The following COL4A6 variants were observed in gnomAD, a reference collection of about 807,000 sequenced individuals.
COL4A6 encodes the protein collagen type IV alpha 6 chain.
COL4A6 carries 59 observed loss-of-function variants against 126.7 expected under a neutral mutation model. That is an observed-to-expected ratio of 0.47 (90% CI 0.38 to 0.58). COL4A6 has a LOEUF of 0.58. Among genes scored for constraint, COL4A6 ranks in the 20% least tolerant of loss-of-function variants. The pLI is 0.00. For missense variants in COL4A6, 1,285 were observed against 1,337.3 expected (o/e 0.96, Z 0.61); for synonymous variants, 547 against 496.6 (o/e 1.10, Z -1.35).
At chrX:108,407,617 G>A (rs991421059) in intron 2 of COL4A6, among the ~76,000 whole-genome samples, 1 of 112,028 alleles carries the variant, frequency 8.9e-6, no homozygotes, top group African/African-American at 3.2e-5. Context: ...CAGAAACTTG[G>A]TCAGACTTCT....
rs750050648 is a variant in COL4A6 at position 108,319,320 on chromosome X, T to C, written c.64-8492A>G. On this transcript the variant is annotated intron_variant, in intron 2 of 44. Coordinates refer to ENST00000334504, the MANE Select transcript of COL4A6 (RefSeq NM_033641.4). ...AGGAGTTTGAGGCTGATCGTGCCACTGCACCCAGCCTGAGTGACAGAGTGA... is the reference window on the plus strand; with the variant it reads ...AGGAGTTTGAGGCTGATCGTGCCACCGCACCCAGCCTGAGTGACAGAGTGA... 5.3e-5 allele frequency among the ~76,000 whole-genome samples: 6 copies of C among 112,193 alleles called. No individual in the cohort carries two copies. The East Asian group carries it at 1.7e-3, about 32-fold the overall frequency.
At chrX:108,340,975 T>C (rs2039550143) in intron 2 of COL4A6, among the ~76,000 whole-genome samples, 1 of 110,675 alleles carries the variant, frequency 9.0e-6, no homozygotes, top group Non-Finnish European at 1.9e-5. Context: ...TTTGTGTATT[T>C]AGAAAAGATT....
chrX:108,354,027 C>A (rs1408208846), intron 2 of COL4A6, among the ~76,000 whole-genome samples: 2 of 111,400 alleles, frequency 1.8e-5, no homozygotes, highest in Non-Finnish European at 3.8e-5. Context: ...GTGGCATGTG[C>A]CTGTAATCCC....
Position 108,187,860 on chromosome X carries a change from C to A in COL4A6, c.1755G>T (p.Leu585=). 8.3e-7 allele frequency: 1 copy of A among 1,204,424 alleles called. No homozygotes were observed. Among genetic ancestry groups the A allele is most frequent in the Non-Finnish European group, 1.1e-6 (1 of 890,610 alleles). Residue 585 remains leucine, a synonymous_variant, in exon 22 of 45, where the codon CTG becomes CTT. Transcript: ENST00000334504. Reference sequence around the variant, plus strand: ...ACGATCAACTTACCGGAAGGCCTGGCAGACCTGGTAAACCTGGTACTCCGT... The same window carrying A: ...ACGATCAACTTACCGGAAGGCCTGGAAGACCTGGTAAACCTGGTACTCCGT... ...GKDGVPGLPG[L]PGLPGDGGQG...
intron 27 of COL4A6, among the ~76,000 whole-genome samples, chrX:108,177,711 T>C (rs2034544396): frequency 8.9e-6 from 1 of 111,866 alleles, no homozygotes; most frequent in African/African-American, 3.3e-5. Flanking sequence ...AACGAAAGGA[T>C]TAAATCATGA....
intron 2 of COL4A6, among the ~76,000 whole-genome samples, chrX:108,322,857 T>A (rs1166711025): frequency 8.9e-6 from 1 of 111,843 alleles, no homozygotes; most frequent in African/African-American, 3.2e-5. Flanking sequence ...AATTAGTATA[T>A]GTTCCATGCA....
intron 3 of COL4A6, among the ~76,000 whole-genome samples, chrX:108,230,716 C>T (rs2036281863): frequency 8.9e-6 from 1 of 111,921 alleles, no homozygotes; most frequent in South Asian, 3.8e-4. Flanking sequence ...AGGCGAAGGG[C>T]ACCAAGCTGC....
At chrX:108,304,383 C>A (rs928914452) in intron 3 of COL4A6, among the ~76,000 whole-genome samples, 1 of 111,537 alleles carries the variant, frequency 9.0e-6, no homozygotes, top group African/African-American at 3.3e-5. Flanking sequence ...CCGAAAGAAC[C>A]ATATGTAAAT....
rs367690342 is a variant in COL4A6, at chrX:108,159,724, C to T, written c.4550G>A (p.Arg1517His). Reference protein sequence around the residue: ...DLGFAGSCLPRFSTMPFIYCN... With the variant: ...DLGFAGSCLPHFSTMPFIYCN... The stretch of plus-strand genomic sequence containing the variant: ...GTAGATGAAGGGCATGGTGCTGAAG[C>T]GGGGCAGACAGGAGCCAGCAAAGCC... The change falls in exon 44 of 45, where the codon CGC becomes CAC. Residue 1517 changes from arginine to histidine, a missense_variant. Arg to His is a conservative substitution (Grantham distance 29). Transcript: ENST00000334504. The T allele has an allele frequency of 1.5e-4, 183 of 1,210,050 alleles. 2 individuals carry two copies. In the South Asian group the frequency reaches 2.3e-3, roughly 15 times the overall value.
chrX:108,167,073 T>C (rs2034151661), intron 37 of COL4A6, among the ~76,000 whole-genome samples: 1 of 111,853 alleles, frequency 8.9e-6, no homozygotes, highest in Non-Finnish European at 1.9e-5. Flanking sequence ...ACTTACGTGT[T>C]ATTAAACCTG....
At chrX:108,397,663 T>C (rs747731365) in intron 2 of COL4A6, among the ~76,000 whole-genome samples, 1 of 107,804 alleles carries the variant, frequency 9.3e-6, no homozygotes, top group East Asian at 2.9e-4. Flanking sequence ...AAAACACATA[T>C]GGAGAAGTAG....
Position 108,164,983 on chromosome X carries a change from G to A in COL4A6, c.3864C>T (p.Gly1288=), listed in dbSNP as rs375561639. The change falls in exon 39 of 45, where the codon GGC becomes GGT. Residue 1288 remains glycine, a synonymous_variant. Transcript: ENST00000334504. ...CAGGGAAGCCAGGGTCTCCGGTGTC[G>A]CCTTGATTCGAGGATGGCCCAGGGG... ...PGPPGPSSNQ[G]DTGDPGFPGI... 26 of 1,208,476 alleles carry A rather than the reference G, an allele frequency of 2.2e-5. No homozygotes were observed. In the South Asian group the frequency reaches 2.8e-4, roughly 13 times the overall value.
chrX:108,400,646 T>C (rs112780660), intron 2 of COL4A6, among the ~76,000 whole-genome samples: 4,730 of 111,436 alleles, frequency 0.042, 131 homozygotes, highest in Middle Eastern at 0.079. Context: ...AAAAGTCTTA[T>C]CTTCTGTTTT....
chrX:108,331,954 C>G (rs2039312650), intron 2 of COL4A6, among the ~76,000 whole-genome samples: 1 of 111,324 alleles, frequency 9.0e-6, no homozygotes, highest in Non-Finnish European at 1.9e-5. Context: ...ATCACCCAAA[C>G]AGTGTACATT....
intron 2 of COL4A6, among the ~76,000 whole-genome samples, chrX:108,405,188 T>C (rs1225552798): frequency 9.1e-6 from 1 of 110,080 alleles, no homozygotes; most frequent in East Asian, 2.8e-4. Flanking sequence ...TGTTTTGTTT[T>C]GTTTTTGTTT....
At chrX:108,438,578 C>T, upstream of COL4A6, 1 of 541,428 alleles carries the variant, frequency 1.8e-6, no homozygotes, top group Non-Finnish European at 2.5e-6. Context: ...TCACACACAG[C>T]CCCTTAGAGA....
At chrX:108,209,727 T>C (rs2035647402) in intron 8 of COL4A6, among the ~76,000 whole-genome samples, 1 of 112,295 alleles carries the variant, frequency 8.9e-6, no homozygotes, top group Non-Finnish European at 1.9e-5. Context: ...TACATCCCAG[T>C]GAATACATGT....
rs767337489 is a variant in COL4A6 at position 108,179,327 on chromosome X, G to A, written c.2243C>T (p.Ala748Val). ...TTCAGCACCAAAGATGTCACCAGTG[G>A]CTCCCTTGGAACCAGGTAAGCCTGG... Reference protein sequence around the residue: ...GSPGLPGSKGATGDIFGAENG... With the variant: ...GSPGLPGSKGVTGDIFGAENG... The change falls in exon 26 of 45, where the codon GCC becomes GTC. Residue 748 changes from alanine to valine, a missense_variant. Ala to Val is a moderately conservative substitution (Grantham distance 64). Transcript: ENST00000334504. 51 of 1,208,982 alleles carry A rather than the reference G, an allele frequency of 4.2e-5. No homozygotes were observed. Among genetic ancestry groups the A allele is most frequent in the Non-Finnish European group, 5.5e-5 (49 of 894,733 alleles).
intron 38 of COL4A6, 26 bp from the exon 39 acceptor site, chrX:108,165,064 G>A (rs376219034): frequency 6.8e-5 from 81 of 1,185,195 alleles, no homozygotes; most frequent in Admixed American, 2.1e-4. Context: ...GAAGAGGGGC[G>A]AGGGGCAGGT....
Sources: allele counts gnomAD v4.1 joint callset (sites outside exome capture counted in the v4.1 genomes callset), GRCh38; gene constraint gnomAD v4.1.1; transcripts MANE v1.5; gene names NCBI Gene and HGNC (gene_info 2026-07-23, HGNC 2026-07-21).